UNC5D: variants seen among roughly 807,000 people sequenced by gnomAD.
UNC5D encodes the protein unc-5 netrin receptor D, also known as netrin receptor UNC5D.
UNC5D carries 39 observed loss-of-function variants against 105.4 expected under a neutral mutation model. The ratio of observed to expected loss-of-function variants is 0.37; its 90% confidence interval spans 0.29 to 0.48. UNC5D has a LOEUF of 0.48. UNC5D is among the 20% of genes least tolerant of loss of function. The probability of loss-of-function intolerance (pLI) is 0.98; values close to 1 mark genes in which losing one functional copy is unlikely to be tolerated. For missense variants in UNC5D, 991 were observed against 1,202.4 expected (o/e 0.82, Z 2.60); for synonymous variants, 452 against 450.4 (o/e 1.00, Z -0.04).
chr8:35,431,645 A>C (rs1283089465), intron 1 of UNC5D, among the ~76,000 whole-genome samples: 3 of 148,012 alleles, frequency 2.0e-5, no homozygotes, highest in Admixed American at 6.6e-5. Flanking sequence ...CTGAACACTT[A>C]TTTTATTTAG....
chr8:35,700,806 C>A (rs1827141957), intron 7 of UNC5D, among the ~76,000 whole-genome samples: 1 of 152,094 alleles, frequency 6.6e-6, no homozygotes, highest in African/African-American at 2.4e-5. Context: ...AGCAGTTGAC[C>A]ATGACTCAGA....
chr8:35,393,938 T>C (rs573440457), intron 1 of UNC5D, among the ~76,000 whole-genome samples: 5 of 152,322 alleles, frequency 3.3e-5, no homozygotes, highest in East Asian at 3.9e-4. Context: ...CTTTTTTTGC[T>C]TTCATCTTCT....
chr8:35,246,140 G>C (rs990555089), intron 1 of UNC5D, among the ~76,000 whole-genome samples: 1 of 152,080 alleles, frequency 6.6e-6, no homozygotes, highest in Admixed American at 6.6e-5. Context: ...TTATTTGTAG[G>C]AGAAGCAGTG....
intron 1 of UNC5D, among the ~76,000 whole-genome samples, chr8:35,299,838 G>A (rs1807788723): frequency 6.6e-6 from 1 of 152,168 alleles, no homozygotes; most frequent in South Asian, 2.1e-4. Context: ...CAATGCAACT[G>A]TAAAATAGAG....
chr8:35,413,946 G>C (rs950477536), intron 1 of UNC5D, among the ~76,000 whole-genome samples: 3 of 152,038 alleles, frequency 2.0e-5, no homozygotes, highest in African/African-American at 7.2e-5. Flanking sequence ...CAACCATCTT[G>C]AGGGCTTTTA....
intron 4 of UNC5D, among the ~76,000 whole-genome samples, chr8:35,650,444 A>C (rs983907300): frequency 1.3e-5 from 2 of 152,092 alleles, no homozygotes; most frequent in Non-Finnish European, 2.9e-5. Context: ...GTGGGGAAAC[A>C]TTGCAGAAAG....
At chr8:35,465,356 A>G (rs921067255) in intron 1 of UNC5D, among the ~76,000 whole-genome samples, 5 of 152,198 alleles carry the variant, frequency 3.3e-5, no homozygotes, top group Admixed American at 3.3e-4. Context: ...ATGCCCCTGC[A>G]CTCCAGCCTG....
chr8:35,268,429 A>C (rs1805043876), intron 1 of UNC5D, among the ~76,000 whole-genome samples: 1 of 152,190 alleles, frequency 6.6e-6, no homozygotes, highest in Admixed American at 6.5e-5. Flanking sequence ...CTAGTACTAT[A>C]GTGATAAACA....
chr8:35,284,909 A>T (rs774628247), intron 1 of UNC5D, among the ~76,000 whole-genome samples: 1 of 152,134 alleles, frequency 6.6e-6, no homozygotes, highest in Non-Finnish European at 1.5e-5. Flanking sequence ...TCTGAGCTCT[A>T]TAACATATAG....
chr8:35,686,534 T>TC lies in UNC5D; in HGVS notation c.920-8dup. On this transcript the variant is annotated splice_polypyrimidine_tract_variant and intron_variant, in intron 6 of 16. Transcript: ENST00000404895. The stretch of plus-strand genomic sequence containing the variant: ...CATTCTAACAATGGTTTCTTTTGTT[T>TC]CCCTTTGAAGTGGATGGGAGCTGGG... 1 of 1,548,590 alleles carries TC rather than the reference T, an allele frequency of 6.5e-7. No homozygotes were observed. The highest frequency in any genetic ancestry group is 1.2e-5 in the South Asian group (1 of 81,378).
intron 15 of UNC5D, 65 bp downstream of exon 15, chr8:35,767,131 T>C: frequency 6.7e-7 from 1 of 1,501,478 alleles, no homozygotes; most frequent in African/African-American, 1.4e-5. Flanking sequence ...AATAAAGCTA[T>C]ACCTACCAGC....
intron 1 of UNC5D, among the ~76,000 whole-genome samples, chr8:35,237,218 C>A (rs1802532048): frequency 9.8e-6 from 1 of 102,024 alleles, no homozygotes; most frequent in African/African-American, 3.8e-5. Context: ...ATGGAGCGGG[C>A]TTTGTAAGAA....
At chr8:35,364,252 C>A in intron 1 of UNC5D, among the ~76,000 whole-genome samples, 1 of 122,552 alleles carries the variant, frequency 8.2e-6, no homozygotes, top group South Asian at 2.8e-4. Flanking sequence ...GACATGCTTT[C>A]TCTTATACTT....
At chr8:35,332,414 C>G (rs1207594304) in intron 1 of UNC5D, among the ~76,000 whole-genome samples, 2 of 152,160 alleles carry the variant, frequency 1.3e-5, no homozygotes, top group Non-Finnish European at 2.9e-5. Flanking sequence ...GCAACAACAA[C>G]AAGAAGCAAA....
intron 1 of UNC5D, among the ~76,000 whole-genome samples, chr8:35,370,151 C>T (rs1369054975): frequency 6.6e-6 from 1 of 152,098 alleles, no homozygotes; most frequent in African/African-American, 2.4e-5. Flanking sequence ...CAAACTTGAA[C>T]CTAGTGAAAT....
At chr8:35,624,724 C>T (rs1821596599) in intron 4 of UNC5D, among the ~76,000 whole-genome samples, 1 of 152,170 alleles carries the variant, frequency 6.6e-6, no homozygotes, top group African/African-American at 2.4e-5. Flanking sequence ...TTTCATGTTC[C>T]TTTCCACTTA....
At chr8:35,314,204 G>A (rs959643168) in intron 1 of UNC5D, among the ~76,000 whole-genome samples, 7 of 152,164 alleles carry the variant, frequency 4.6e-5, no homozygotes, top group African/African-American at 1.7e-4. Context: ...TTTTTAGAAA[G>A]TGTTACTGGA....
intron 1 of UNC5D, among the ~76,000 whole-genome samples, chr8:35,541,285 T>C: frequency 6.6e-6 from 1 of 152,180 alleles, no homozygotes; most frequent in East Asian, 1.9e-4. Flanking sequence ...TTGAACACGA[T>C]GTGAACCATC....
chr8:35,587,254 T>C (rs529277848), intron 3 of UNC5D, among the ~76,000 whole-genome samples: 17 of 152,166 alleles, frequency 1.1e-4, no homozygotes, highest in African/African-American at 2.2e-4. Flanking sequence ...CTGCTCCAAA[T>C]TGATCTGTGC....
Sources: allele counts gnomAD v4.1 joint callset (sites outside exome capture counted in the v4.1 genomes callset), GRCh38; gene constraint gnomAD v4.1.1; transcripts MANE v1.5; gene names NCBI Gene and HGNC (gene_info 2026-07-23, HGNC 2026-07-21).